Variants in CHCHD3 observed in about 807,000 individuals in gnomAD.
The protein encoded by CHCHD3 is MICOS complex subunit MIC19.
A neutral mutation model predicts 38.2 loss-of-function variants in CHCHD3; 20 were observed. The ratio of observed to expected loss-of-function variants is 0.52; its 90% CI spans 0.37 to 0.76. The LOEUF is 0.76. CHCHD3 is among the 30% of genes least tolerant of loss of function. The pLI is 0.00. For synonymous variants in CHCHD3, 82 were observed against 100.0 expected (o/e 0.82, Z 1.07); for missense variants, 245 against 279.2 (o/e 0.88, Z 0.87).
At chr7:133,031,499 A>T (rs919531119) in intron 2 of CHCHD3, among the ~76,000 whole-genome samples, 3 of 149,132 alleles carry the variant, frequency 2.0e-5, no homozygotes, top group Non-Finnish European at 4.5e-5. Flanking sequence ...CTTTTACTTC[A>T]TTTTTTTTTT....
chr7:133,028,493 T>C (rs1813405484), intron 2 of CHCHD3, among the ~76,000 whole-genome samples: 1 of 151,920 alleles, frequency 6.6e-6, no homozygotes, highest in Middle Eastern at 3.4e-3. Context: ...TATTGAGAGG[T>C]GGGGCCCTTA....
intron 6 of CHCHD3, among the ~76,000 whole-genome samples, chr7:132,829,971 T>C (rs759901564): frequency 3.3e-5 from 5 of 152,186 alleles, no homozygotes; most frequent in Admixed American, 1.3e-4. Context: ...CGACCAGTCA[T>C]GGAGTAGAGA....
At chr7:132,796,381 C>T (rs1806612651) in intron 7 of CHCHD3, 61 bp downstream of exon 7, 1 of 1,599,012 alleles carries the variant, frequency 6.3e-7, no homozygotes, top group Non-Finnish European at 8.5e-7. Flanking sequence ...CTTACCACTG[C>T]CCCAGGTCAT....
chr7:132,790,425 G>A (rs557656849), intron 7 of CHCHD3, among the ~76,000 whole-genome samples: 1 of 152,240 alleles, frequency 6.6e-6, no homozygotes, highest in East Asian at 1.9e-4. Flanking sequence ...ACGAAGCAAC[G>A]ATTACTCTCA....
intron 4 of CHCHD3, among the ~76,000 whole-genome samples, chr7:132,905,310 G>A (rs1809771796): frequency 6.6e-6 from 1 of 152,050 alleles, no homozygotes; most frequent in South Asian, 2.1e-4. Flanking sequence ...GACATGGATA[G>A]AGCCGGATGT....
chr7:132,847,137 T>C (rs1253204644), intron 5 of CHCHD3: 1 of 152,202 alleles, frequency 6.6e-6, no homozygotes, highest in African/African-American at 2.4e-5. Context: ...ATTATGCCCA[T>C]GTCCTCAGGG....
At chr7:132,858,050 T>C (rs1808387352) in intron 5 of CHCHD3, among the ~76,000 whole-genome samples, 1 of 152,126 alleles carries the variant, frequency 6.6e-6, no homozygotes, top group African/African-American at 2.4e-5. Flanking sequence ...CTTCGATTCT[T>C]TTTCAATTCT....
intron 4 of CHCHD3, among the ~76,000 whole-genome samples, chr7:132,971,989 G>A (rs999920575): frequency 2.0e-5 from 3 of 151,472 alleles, no homozygotes; most frequent in Non-Finnish European, 4.4e-5. Context: ...CAGCAGGCTT[G>A]CGATCACTGT....
intron 4 of CHCHD3, among the ~76,000 whole-genome samples, chr7:132,969,515 G>A (rs1033597503): frequency 3.9e-5 from 6 of 152,122 alleles, no homozygotes; most frequent in African/African-American, 1.2e-4. Context: ...AGCCCAGGAC[G>A]TTTTTTACAT....
At position 133,035,215 on chromosome 7, in the gene CHCHD3, C is replaced by G; in HGVS notation, c.170-10588G>C. 1.2e-6 allele frequency: 2 copies of G among 1,613,746 alleles called. No individual in the cohort carries two copies. The highest frequency in any genetic ancestry group is 1.1e-5 in the South Asian group (1 of 91,050). ...GGCTTCTGCTTCTCTTCCCGTGAACCCTTCTCTTTCCGTGGTGTGTCCTTT... is the reference window on the plus strand; with the variant it reads ...GGCTTCTGCTTCTCTTCCCGTGAACGCTTCTCTTTCCGTGGTGTGTCCTTT... On this transcript the variant is annotated intron_variant, in intron 2 of 7. Coordinates refer to ENST00000262570, the MANE Select transcript of CHCHD3 (RefSeq NM_017812.4). The surrounding 1 kb of genome is among the most constrained non-coding windows in gnomAD (Gnocchi z 4.7).
At chr7:132,811,264 A>T (rs1031375495) in intron 6 of CHCHD3, among the ~76,000 whole-genome samples, 13 of 152,148 alleles carry the variant, frequency 8.5e-5, no homozygotes, top group Admixed American at 2.0e-4. Flanking sequence ...CTCTCCTGAG[A>T]TGGTTCTCAC....
At chr7:133,050,597 T>C (rs1814134893) in intron 2 of CHCHD3, among the ~76,000 whole-genome samples, 1 of 152,150 alleles carries the variant, frequency 6.6e-6, no homozygotes, top group South Asian at 2.1e-4. Flanking sequence ...ACTTAAATTT[T>C]CCTTTTTATT....
At chr7:133,024,418 T>G in intron 3 of CHCHD3, 128 bp downstream of exon 3, 1 of 757,960 alleles carries the variant, frequency 1.3e-6, no homozygotes, top group Non-Finnish European at 2.3e-6. Flanking sequence ...GCCAAGTTCA[T>G]GTGTTCAGCA....
At chr7:133,051,422 A>AT (rs1814159707) in intron 2 of CHCHD3, among the ~76,000 whole-genome samples, 2 of 152,082 alleles carry the variant, frequency 1.3e-5, no homozygotes, top group Non-Finnish European at 2.9e-5. Flanking sequence ...TTTAACTACT[A>AT]TTTTTTCCCT....
intron 4 of CHCHD3, among the ~76,000 whole-genome samples, chr7:132,906,424 T>TC (rs950467512): frequency 1.2e-4 from 19 of 152,228 alleles, no homozygotes; most frequent in African/African-American, 4.6e-4. Flanking sequence ...TAACACCCCC[T>TC]CCACCTCTTT....
chr7:133,027,652 T>C (rs1234146020), intron 2 of CHCHD3, among the ~76,000 whole-genome samples: 2 of 152,196 alleles, frequency 1.3e-5, no homozygotes, highest in African/African-American at 4.8e-5. Context: ...CTGTATACTA[T>C]GCTTCTGTTT....
At position 132,785,571 on chromosome 7, in the gene CHCHD3, A is replaced by C; in HGVS notation, c.*66T>G. On this transcript the variant is annotated 3_prime_UTR_variant, in exon 8 of 8. Coordinates refer to ENST00000262570, the MANE Select transcript of CHCHD3 (RefSeq NM_017812.4). The stretch of plus-strand genomic sequence containing the variant: ...TTCTCTTCAAATGGGTTGTTTTCTC[A>C]CTAGGAAAAAAAATGTTCCATCTCT... 6.5e-7 allele frequency: 1 copy of C among 1,540,238 alleles called. No individual in the cohort carries two copies. Among genetic ancestry groups the C allele is most frequent in the Non-Finnish European group, 9.0e-7 (1 of 1,114,304 alleles).
intron 3 of CHCHD3, among the ~76,000 whole-genome samples, chr7:133,002,536 G>A (rs184912659): frequency 1.6e-4 from 24 of 151,778 alleles, no homozygotes; most frequent in South Asian, 2.1e-4. Flanking sequence ...TTTGTAGTTC[G>A]TAACAGTTTA....
intron 4 of CHCHD3, among the ~76,000 whole-genome samples, chr7:132,957,867 C>A (rs1263612678): frequency 6.6e-6 from 1 of 152,150 alleles, no homozygotes; most frequent in Non-Finnish European, 1.5e-5. Flanking sequence ...CAACTTCAGG[C>A]CACCTATCAA....
Sources: allele counts gnomAD v4.1 joint callset (sites outside exome capture counted in the v4.1 genomes callset), GRCh38; gene constraint gnomAD v4.1.1; non-coding constraint Gnocchi (gnomAD v3.1); transcripts MANE v1.5; gene names NCBI Gene and HGNC (gene_info 2026-07-23, HGNC 2026-07-21).